The following AUTS2 variants were observed in gnomAD, a reference collection of about 807,000 sequenced individuals.
AUTS2 encodes activator of transcription and developmental regulator AUTS2.
AUTS2 carries 17 observed loss-of-function variants against 112.4 expected under a neutral mutation model. The observed-to-expected ratio is 0.15, with a 90% CI of 0.10 to 0.23. The LOEUF (loss-of-function observed/expected upper bound fraction) is 0.23. AUTS2 is among the 10% of genes least tolerant of loss of function. The pLI, the probability that AUTS2 is intolerant of heterozygous loss-of-function variation, is 1.00. For missense variants in AUTS2, 1,510 were observed against 1,701.6 expected, an observed-to-expected ratio of 0.89 and a Z score of 1.98; for synonymous variants, 751 against 702.7, an observed-to-expected ratio of 1.07 and a Z score of -1.09.
At chr7:70,104,391 C>T (rs935848120) in intron 2 of AUTS2, among the ~76,000 whole-genome samples, 1 of 152,018 alleles carries the variant, frequency 6.6e-6, no homozygotes, top group African/African-American at 2.4e-5. Context: ...TACACATTGG[C>T]GAAATATCCT....
intron 1 of AUTS2, among the ~76,000 whole-genome samples, chr7:69,794,301 CT>C (rs1380749512): frequency 6.6e-6 from 1 of 152,050 alleles, no homozygotes; most frequent in East Asian, 1.9e-4. Context: ...TCAGAGCACC[CT>C]AAAGGTAATT....
At chr7:70,064,189 C>T (rs1802384025) in intron 2 of AUTS2, among the ~76,000 whole-genome samples, 1 of 152,144 alleles carries the variant, frequency 6.6e-6, no homozygotes, top group Non-Finnish European at 1.5e-5. Context: ...GTCAAGGGCT[C>T]GTGTACACCA....
chr7:69,971,275 A>G (rs980568653), intron 2 of AUTS2, among the ~76,000 whole-genome samples: 1 of 152,126 alleles, frequency 6.6e-6, no homozygotes, highest in African/African-American at 2.4e-5. Flanking sequence ...TCTGCCATTT[A>G]CTGGTAGTAT....
intron 5 of AUTS2, among the ~76,000 whole-genome samples, chr7:70,579,168 A>G (rs1241615996): frequency 2.8e-5 from 4 of 144,922 alleles, no homozygotes; most frequent in Middle Eastern, 3.4e-3. Context: ...AGCTAAAGCA[A>G]TCCACCCATC....
chr7:70,520,881 C>CGA (rs1799615164), intron 5 of AUTS2, among the ~76,000 whole-genome samples: 1 of 152,178 alleles, frequency 6.6e-6, no homozygotes, highest in Non-Finnish European at 1.5e-5. Context: ...TTGTCAAACT[C>CGA]ATTTCATTCC....
At chr7:70,411,959 G>A (rs182865770) in intron 4 of AUTS2, among the ~76,000 whole-genome samples, 106 of 142,062 alleles carry the variant, frequency 7.5e-4, no homozygotes, top group African/African-American at 2.6e-3. Flanking sequence ...CTCTGTGAGC[G>A]ATCTCAGCTC....
rs1788377809 is a variant in AUTS2 at position 69,765,440 on chromosome 7, A to G, written c.310-133846A>G. ...GTCTCATTTGTTTTGGATTACATGT[A>G]TGCAATCCAAAAGAGTTAGGTTTTT... is the stretch of plus-strand genomic sequence containing the variant. On this transcript the variant is annotated intron_variant, in intron 1 of 18. Coordinates refer to ENST00000342771, the MANE Select transcript of AUTS2 (RefSeq NM_015570.4). 3.9e-5 allele frequency among the ~76,000 whole-genome samples: 6 copies of G among 152,076 alleles called. No individual in the cohort carries two copies. In the South Asian group the frequency reaches 1.2e-3, roughly 32 times the overall value.
chr7:70,516,138 G>A (rs1242375273), intron 5 of AUTS2, among the ~76,000 whole-genome samples: 3 of 152,162 alleles, frequency 2.0e-5, no homozygotes, highest in African/African-American at 7.2e-5. Context: ...TCTTGTAGCA[G>A]AACACTGATT....
intron 1 of AUTS2, among the ~76,000 whole-genome samples, chr7:69,826,205 T>A (rs1293243937): frequency 1.3e-5 from 2 of 152,220 alleles, no homozygotes; most frequent in Non-Finnish European, 2.9e-5. Flanking sequence ...TAAGTAAGGA[T>A]AACCCCTTAT....
intron 4 of AUTS2, among the ~76,000 whole-genome samples, chr7:70,339,149 C>A (rs985696248): frequency 7.2e-5 from 11 of 152,092 alleles, no homozygotes; most frequent in African/African-American, 2.4e-4. Flanking sequence ...AGGGGTGAGC[C>A]ACCGCGCCCG....
chr7:69,739,725 T>G (rs1726091960), intron 1 of AUTS2, among the ~76,000 whole-genome samples: 1 of 152,232 alleles, frequency 6.6e-6, no homozygotes, highest in Admixed American at 6.5e-5. Context: ...GTATTTGAGT[T>G]GAAAGAATTG....
At chr7:70,485,564 C>A (rs1224336667) in intron 5 of AUTS2, among the ~76,000 whole-genome samples, 4 of 152,092 alleles carry the variant, frequency 2.6e-5, no homozygotes, top group Non-Finnish European at 4.4e-5. Context: ...CAGAAATCAC[C>A]ACTAAAGTAC....
chr7:70,545,081 G>A (rs149454182), intron 5 of AUTS2, among the ~76,000 whole-genome samples: 10 of 152,198 alleles, frequency 6.6e-5, no homozygotes, highest in East Asian at 3.9e-4. Flanking sequence ...ACAGTGATTC[G>A]GGAAACAGTA....
At chr7:69,617,902 C>T (rs375834421) in intron 1 of AUTS2, among the ~76,000 whole-genome samples, 29 of 152,244 alleles carry the variant, frequency 1.9e-4, no homozygotes, top group African/African-American at 6.3e-4. Flanking sequence ...TTTGCCAGTG[C>T]CAGAATCACC....
intron 1 of AUTS2, among the ~76,000 whole-genome samples, chr7:69,878,281 C>T (rs896701897): frequency 3.3e-5 from 5 of 152,152 alleles, no homozygotes; most frequent in African/African-American, 1.2e-4. Flanking sequence ...GTGGAGGGAG[C>T]GGGGAGGGGA....
chr7:70,418,841 AT>A (rs896949090), intron 4 of AUTS2, among the ~76,000 whole-genome samples: 22 of 150,950 alleles, frequency 1.5e-4, no homozygotes, highest in Non-Finnish European at 4.4e-5. Context: ...TGTTTGGTGC[AT>A]TTTTTTCCAG....
chr7:70,008,489 A>G (rs180931095), intron 2 of AUTS2, among the ~76,000 whole-genome samples: 1 of 152,196 alleles, frequency 6.6e-6, no homozygotes, highest in East Asian at 1.9e-4. Flanking sequence ...TCTTCAAGCA[A>G]TCTTTCTGTG....
At chr7:69,774,456 C>T (rs1462129526) in intron 1 of AUTS2, among the ~76,000 whole-genome samples, 2 of 152,146 alleles carry the variant, frequency 1.3e-5, no homozygotes, top group Non-Finnish European at 2.9e-5. Context: ...ATCTCAAGAA[C>T]CAGGAAGATC....
At chr7:70,313,487 C>A (rs1159137443) in intron 4 of AUTS2, among the ~76,000 whole-genome samples, 1 of 152,172 alleles carries the variant, frequency 6.6e-6, no homozygotes, top group African/African-American at 2.4e-5. Context: ...CCCATGACTA[C>A]GATAGGTGGC....
Sources: allele counts gnomAD v4.1 joint callset (sites outside exome capture counted in the v4.1 genomes callset), GRCh38; gene constraint gnomAD v4.1.1; transcripts MANE v1.5; gene names NCBI Gene and HGNC (gene_info 2026-07-23, HGNC 2026-07-21).